The following DIAPH3 variants were observed in gnomAD, a reference collection of about 807,000 sequenced individuals.
DIAPH3 encodes the protein protein diaphanous homolog 3.
DIAPH3 carries 117 observed loss-of-function variants against 144.3 expected under a neutral mutation model. The ratio of observed to expected loss-of-function variants is 0.81; its 90% CI spans 0.70 to 0.95. DIAPH3 has a LOEUF of 0.95. Ranked by LOEUF, DIAPH3 falls within the 40% of genes least tolerant of loss-of-function variation. The pLI is 0.00. For missense variants in DIAPH3, 1,421 were observed against 1,412.7 expected, an observed-to-expected ratio of 1.01 and a Z score of -0.09; for synonymous variants, 519 against 488.9, an observed-to-expected ratio of 1.06 and a Z score of -0.81.
chr13:59,950,132 TA>T (rs2049024091), intron 17 of DIAPH3, among the ~76,000 whole-genome samples: 2 of 102,936 alleles, frequency 1.9e-5, no homozygotes, highest in African/African-American at 7.6e-5. Context: ...TGTGACAATA[TA>T]ATATTTTAAT....
intron 5 of DIAPH3, among the ~76,000 whole-genome samples, chr13:60,032,776 G>A (rs1281245272): frequency 6.6e-6 from 1 of 152,232 alleles, no homozygotes; most frequent in Admixed American, 6.5e-5. Context: ...TTTTAGTTAT[G>A]CAAATTTGTC....
intron 22 of DIAPH3, among the ~76,000 whole-genome samples, chr13:59,852,191 T>C (rs1446406929): frequency 6.6e-6 from 1 of 152,220 alleles, no homozygotes; most frequent in Admixed American, 6.5e-5. Context: ...GTCTCACTGC[T>C]GATCAATTTT....
At chr13:60,135,198 C>T (rs568081264) in intron 1 of DIAPH3, among the ~76,000 whole-genome samples, 2 of 150,638 alleles carry the variant, frequency 1.3e-5, no homozygotes, top group African/African-American at 2.4e-5. Context: ...AGAACAGCCA[C>T]TCTTATGTAA....
At chr13:59,911,713 C>T (rs747166629) in intron 20 of DIAPH3, 22 bp downstream of exon 20, 2 of 1,580,936 alleles carry the variant, frequency 1.3e-6, no homozygotes, top group East Asian at 2.2e-5. Context: ...TATAAAAATC[C>T]TCTCTGAGAC....
chr13:59,912,784 TA>T (rs1362304210), intron 19 of DIAPH3, among the ~76,000 whole-genome samples: 1 of 152,170 alleles, frequency 6.6e-6, no homozygotes, highest in Non-Finnish European at 1.5e-5. Flanking sequence ...TATATATATT[TA>T]TGGGGGGAAA....
chr13:60,047,539 G>A (rs1027245323), intron 4 of DIAPH3, among the ~76,000 whole-genome samples: 4 of 152,094 alleles, frequency 2.6e-5, no homozygotes, highest in Admixed American at 6.6e-5. Flanking sequence ...TGATTTTCAC[G>A]AAAGTTGTCA....
At chr13:60,066,926 A>G (rs953417431) in intron 4 of DIAPH3, among the ~76,000 whole-genome samples, 22 of 152,362 alleles carry the variant, frequency 1.4e-4, no homozygotes, top group African/African-American at 4.6e-4. Context: ...GATCTTTCCT[A>G]AAAGGAACTA....
chr13:59,977,622 CG>C (rs2050752724), intron 14 of DIAPH3, among the ~76,000 whole-genome samples: 1 of 151,484 alleles, frequency 6.6e-6, no homozygotes, highest in South Asian at 2.1e-4. Flanking sequence ...GTTATCCAAG[CG>C]AGAACTGAAG....
At chr13:59,872,817 G>C (rs1490445406) in intron 21 of DIAPH3, among the ~76,000 whole-genome samples, 2 of 152,222 alleles carry the variant, frequency 1.3e-5, no homozygotes, top group African/African-American at 4.8e-5. Context: ...CAGAGGCTGG[G>C]TGTTTGGGGG....
intron 27 of DIAPH3, among the ~76,000 whole-genome samples, chr13:59,723,780 TTTTTTTGTA>T (rs1183632190): frequency 6.6e-6 from 1 of 150,970 alleles, no homozygotes; most frequent in Non-Finnish European, 1.5e-5. Flanking sequence ...CCAGCTAATT[TTTTTTTGTA>T]TTTTTAGTAG....
intron 12 of DIAPH3, 35 bp from the exon 13 acceptor site, chr13:59,983,922 T>C: frequency 1.5e-6 from 2 of 1,374,958 alleles, no homozygotes; most frequent in Non-Finnish European, 2.1e-6. Flanking sequence ...GTACAATTGA[T>C]AATTAGTGTA....
chr13:60,116,750 T>C (rs763923955), intron 2 of DIAPH3, among the ~76,000 whole-genome samples: 4 of 152,068 alleles, frequency 2.6e-5, no homozygotes, highest in Non-Finnish European at 2.9e-5. Flanking sequence ...TGTAAATGCA[T>C]AACCTAATGG....
Position 59,970,905 on chromosome 13 carries a change from G to A in DIAPH3, c.1906C>T (p.Pro636Ser), listed in dbSNP as rs990121904. ...PLPILPFGLK[P>S]KKEFKPEISM... ...ATTTCAGGTTTAAATTCTTTCTTTG[G>A]TTTCAACCCAAATGGCAGGATTGGT... The change falls in exon 16 of 28, where the codon CCA becomes TCA. Residue 636 changes from proline to serine, a missense_variant. Transcript: ENST00000400324. 2 of 1,613,332 alleles carry A rather than the reference G, an allele frequency of 1.2e-6. No individual in the cohort carries two copies. The highest frequency in any genetic ancestry group is 1.3e-5 in the African/African-American group (1 of 74,880).
intron 27 of DIAPH3, among the ~76,000 whole-genome samples, chr13:59,738,429 C>T (rs2036273000): frequency 2.0e-5 from 3 of 152,068 alleles, no homozygotes; most frequent in Admixed American, 2.0e-4. Context: ...GCTCTGTGGA[C>T]TGGCCAGACC....
chr13:59,737,126 T>C (rs2036195513), intron 27 of DIAPH3, among the ~76,000 whole-genome samples: 1 of 152,060 alleles, frequency 6.6e-6, no homozygotes, highest in South Asian at 2.1e-4. Flanking sequence ...CAAAAGCAAC[T>C]GCAACAAAAA....
chr13:60,121,008 G>C (rs184980692), intron 2 of DIAPH3, among the ~76,000 whole-genome samples: 5 of 152,076 alleles, frequency 3.3e-5, no homozygotes, highest in Admixed American at 3.3e-4. Context: ...ACGAACTAAA[G>C]TAAAATGAGG....
intron 17 of DIAPH3, among the ~76,000 whole-genome samples, chr13:59,944,492 G>T (rs1389764893): frequency 1.3e-5 from 2 of 152,066 alleles, no homozygotes; most frequent in East Asian, 3.9e-4. Context: ...AAATATAGAT[G>T]AATCCAAAAG....
intron 25 of DIAPH3, among the ~76,000 whole-genome samples, chr13:59,781,595 G>C (rs1046302327): frequency 1.3e-5 from 2 of 152,218 alleles, no homozygotes; most frequent in African/African-American, 4.8e-5. Context: ...AGTGGCCACA[G>C]AACCGGTAGC....
At chr13:59,933,920 T>C (rs2048143522) in intron 17 of DIAPH3, among the ~76,000 whole-genome samples, 1 of 152,208 alleles carries the variant, frequency 6.6e-6, no homozygotes, top group South Asian at 2.1e-4. Context: ...AATTTTCCAT[T>C]TAAAAATCAT....
Sources: gnomAD v4.1 joint callset for allele counts (sites outside exome capture counted in the v4.1 genomes callset) on GRCh38, gnomAD v4.1.1 for gene constraint, MANE v1.5 for transcripts, NCBI Gene and HGNC (gene_info 2026-07-23, HGNC 2026-07-21) for gene names.